TTF2: variants seen among roughly 807,000 people sequenced by gnomAD.
TTF2 encodes RNA polymerase II termination factor.
Under a neutral mutation model 142.4 loss-of-function variants are expected in TTF2, and 108 were observed. That is an observed-to-expected ratio of 0.76 (90% confidence interval 0.65 to 0.89). TTF2 has a LOEUF of 0.89. TTF2 is among the 40% of genes least tolerant of loss of function. The probability of loss-of-function intolerance (pLI) is 0.00; values close to 1 mark genes in which losing one functional copy is unlikely to be tolerated. For missense variants in TTF2, 1,327 were observed against 1,379.8 expected (o/e 0.96, Z 0.61); for synonymous variants, 483 against 506.2 (o/e 0.95, Z 0.61).
chr1:117,072,670 A>T (rs747345493), intron 3 of TTF2, among the ~76,000 whole-genome samples: 2 of 151,944 alleles, frequency 1.3e-5, no homozygotes, highest in Non-Finnish European at 2.9e-5. Flanking sequence ...TGATCCGCCC[A>T]CCTCAGCCTC....
intron 2 of TTF2, among the ~76,000 whole-genome samples, chr1:117,061,954 C>A (rs1380690166): frequency 6.6e-6 from 1 of 152,020 alleles, no homozygotes; most frequent in African/African-American, 2.4e-5. Context: ...AAAACTTACA[C>A]AAAACAAGAA....
intron 19 of TTF2, among the ~76,000 whole-genome samples, chr1:117,095,773 G>T (rs930630844): frequency 6.6e-6 from 1 of 152,142 alleles, no homozygotes; most frequent in Non-Finnish European, 1.5e-5. Context: ...GACAGCGTGG[G>T]GGCAGGGAGG....
chr1:117,069,695 G>T (rs564321111), intron 3 of TTF2, among the ~76,000 whole-genome samples: 1 of 152,340 alleles, frequency 6.6e-6, no homozygotes, highest in Non-Finnish European at 1.5e-5. Context: ...AACTAATTAG[G>T]TGGTAGGGCT....
chr1:117,091,275 C>A, intron 15 of TTF2, 53 bp from the exon 16 acceptor site: 1 of 1,470,926 alleles, frequency 6.8e-7, no homozygotes, highest in Non-Finnish European at 9.3e-7. Flanking sequence ...CACAGTTAAG[C>A]AGGTCTTAGT....
intron 3 of TTF2, among the ~76,000 whole-genome samples, chr1:117,065,710 A>AT (rs1304559627): frequency 4.6e-5 from 7 of 152,022 alleles, no homozygotes; most frequent in African/African-American, 7.3e-5. Flanking sequence ...TGTAAATGGA[A>AT]TTTTTTTTAA....
In TTF2 at chr1:117,106,346, G is replaced by A. The variant is rs544580641; in HGVS notation, c.*4822G>A. On this transcript the variant is annotated 3_prime_UTR_variant, in exon 23 of 23. Coordinates refer to ENST00000369466, the MANE Select transcript of TTF2 (RefSeq NM_003594.4). ...GGCGACAGATATGCAGCTACACAATGTTTTTACTATCTTGAGTTCTTTTTA... is the reference window on the plus strand; with the variant it reads ...GGCGACAGATATGCAGCTACACAATATTTTTACTATCTTGAGTTCTTTTTA... The A allele has an allele frequency of 6.6e-6, 1 of 151,704 alleles. No homozygotes were observed. The highest frequency in any genetic ancestry group is 1.5e-5 in the Non-Finnish European group (1 of 67,962). 9.4% of individuals were successfully genotyped at this position (151,704 alleles called of 1,614,324 possible). A position where few individuals can be genotyped will look rare whatever the true frequency, so the allele number is the denominator to read the frequency against.
chr1:117,095,318 C>G lies in TTF2; in HGVS notation c.2986C>G (p.Leu996Val), dbSNP rs546264675. The G allele has an allele frequency of 6.2e-6, 10 of 1,614,026 alleles. No individual in the cohort carries two copies. In the African/African-American group the frequency reaches 9.3e-5, roughly 15 times the overall value. ...GMRESTKISS[L>V]LAELEAIQRN... ...TGTAACCTTTTCCCAGATTTCATCT[C>G]TGTTGGCAGAATTGGAGGCAATTCA... The change falls in exon 19 of 23, where the codon CTG (leucine) becomes GTG (valine). Residue 996 changes from leucine (L) to valine (V), a missense_variant. By Grantham distance (32) the Leu-to-Val change is conservative (BLOSUM62 1). Coordinates refer to ENST00000369466, the MANE Select transcript of TTF2 (RefSeq NM_003594.4).
chr1:117,078,151 C>T, intron 8 of TTF2, 108 bp downstream of exon 8: 2 of 1,395,664 alleles, frequency 1.4e-6, no homozygotes, highest in Non-Finnish European at 1.9e-6. Context: ...CAGACAGATG[C>T]TTAAATGGCT....
chr1:117,075,037 T>C lies in TTF2; in HGVS notation c.453T>C (p.Ala151=). ...AAGGTGAAGGTGAGGAAAAGAAGGCTGATAAGAAGCAAAGAGAAAAGGGAG... is the reference window on the plus strand; with the variant it reads ...AAGGTGAAGGTGAGGAAAAGAAGGCCGATAAGAAGCAAAGAGAAAAGGGAG... ...LIKGEGEEKK[A]DKKQREKGDQ... The change falls in exon 5 of 23, where the codon GCT becomes GCC. Residue 151 remains alanine (A), a synonymous_variant. Transcript: ENST00000369466. This position sits in a 1 kb window ranked among gnomAD's most constrained non-coding sequence, Gnocchi z 4.5. 1.2e-6 allele frequency: 2 copies of C among 1,613,866 alleles called. No individual in the cohort carries two copies. Among genetic ancestry groups the C allele is most frequent in the Non-Finnish European group, 1.7e-6 (2 of 1,179,986 alleles).
At position 117,075,207 on chromosome 1, in the gene TTF2, C is replaced by T. The variant is rs1305184098; in HGVS notation, c.623C>T (p.Thr208Ile). Residue 208 changes from threonine to isoleucine, a missense_variant, in exon 5 of 23, where the codon ACT (threonine) becomes ATT (isoleucine). Thr to Ile is a moderately conservative substitution (Grantham distance 89). Transcript: ENST00000369466. The surrounding 1 kb of genome is among the most constrained non-coding windows in gnomAD (Gnocchi z 4.5). ...GCAGAGATTCAGTGTGAGGCAGAGA[C>T]TGGAGGCACACACAAAAGAGACTTT... Reference protein sequence around the residue: ...EGAEIQCEAETGGTHKRDFSE... With the variant: ...EGAEIQCEAEIGGTHKRDFSE... The T allele has an allele frequency of 1.9e-6, 3 of 1,614,192 alleles. No homozygotes were observed. The highest frequency in any genetic ancestry group is 8.5e-7 in the Non-Finnish European group (1 of 1,180,048).
Position 117,075,031 on chromosome 1 carries a change from G to C in TTF2, c.447G>C (p.Lys149Asn). The C allele has an allele frequency of 6.2e-7, 1 of 1,614,060 alleles. No homozygotes were observed. The highest frequency in any genetic ancestry group is 8.5e-7 in the Non-Finnish European group (1 of 1,180,012). ...KQLIKGEGEE[K>N]KADKKQREKG... Reference sequence around the variant, plus strand: ...TCATCAAAGGTGAAGGTGAGGAAAAGAAGGCTGATAAGAAGCAAAGAGAAA... The same window carrying C: ...TCATCAAAGGTGAAGGTGAGGAAAACAAGGCTGATAAGAAGCAAAGAGAAA... The change falls in exon 5 of 23, where the codon AAG becomes AAC. Residue 149 changes from lysine to asparagine, a missense_variant. Physicochemically the swap from Lys to Asn is moderately conservative, Grantham distance 94. Transcript: ENST00000369466. This position sits in a 1 kb window ranked among gnomAD's most constrained non-coding sequence, Gnocchi z 4.5.
At position 117,075,432 on chromosome 1, in the gene TTF2, A is replaced by T. The variant is rs368187655; in HGVS notation, c.848A>T (p.Lys283Met). The change falls in exon 5 of 23, where the codon AAG (lysine) becomes ATG (methionine). Residue 283 changes from lysine (K) to methionine (M), a missense_variant. Coordinates refer to ENST00000369466, the MANE Select transcript of TTF2 (RefSeq NM_003594.4). This position sits in a 1 kb window ranked among gnomAD's most constrained non-coding sequence, Gnocchi z 4.5. ...SKPQKGGPLN[K>M]EYTNWEAKET... Reference sequence around the variant, plus strand: ...CCCCAGAAAGGGGGACCCCTCAACAAGGAGTACACGAACTGGGAGGCTAAA... The same window carrying T: ...CCCCAGAAAGGGGGACCCCTCAACATGGAGTACACGAACTGGGAGGCTAAA... 1.4e-5 allele frequency: 23 copies of T among 1,614,046 alleles called. No homozygotes were observed. In the African/African-American group the frequency reaches 2.9e-4, roughly 21 times the overall value.
chr1:117,097,515 T>C lies in TTF2; in HGVS notation c.3269+82T>C. 8.2e-7 allele frequency: 1 copy of C among 1,222,192 alleles called. No individual in the cohort carries two copies. Among genetic ancestry groups the C allele is most frequent in the Middle Eastern group, 1.9e-4 (1 of 5,234 alleles). 75.7% of individuals were successfully genotyped at this position (1,222,192 alleles called of 1,614,324 possible). A position where few individuals can be genotyped will look rare whatever the true frequency, so the allele number is the denominator to read the frequency against. The stretch of plus-strand genomic sequence containing the variant: ...TACAGGGGCAGCAAGAACTGACTTC[T>C]TATGTTGATTGCTGTGTTCGTATTG... On this transcript the variant is annotated intron_variant, in intron 21 of 22. Coordinates refer to ENST00000369466, the MANE Select transcript of TTF2 (RefSeq NM_003594.4). This position sits in a 1 kb window ranked among gnomAD's most constrained non-coding sequence, Gnocchi z 4.1.
At position 117,076,472 on chromosome 1, in the gene TTF2, G is replaced by T. The variant is rs973862749; in HGVS notation, c.1391-169G>T. ...AAAAAACTTTCTCCTGTTTCCTGTG[G>T]ACTCTACTTTCTTCCCCATTGTTTA... On this transcript the variant is annotated intron_variant, in intron 6 of 22. Transcript: ENST00000369466. This position sits in a 1 kb window ranked among gnomAD's most constrained non-coding sequence, Gnocchi z 4.6. 11 of 939,786 alleles carry T rather than the reference G, an allele frequency of 1.2e-5. No homozygotes were observed. The African/African-American group carries it at 1.7e-4, about 14-fold the overall frequency. 58.2% of individuals were successfully genotyped at this position (939,786 alleles called of 1,614,324 possible).
At chr1:117,060,906 G>C (rs1438279242) in intron 2 of TTF2, among the ~76,000 whole-genome samples, 1 of 152,206 alleles carries the variant, frequency 6.6e-6, no homozygotes, top group Non-Finnish European at 1.5e-5. Flanking sequence ...CTTTAAAGGA[G>C]TAAGGACACA....
Position 117,076,358 on chromosome 1 carries a change from C to T in TTF2, c.1390+64C>T. 2.3e-6 allele frequency: 3 copies of T among 1,313,640 alleles called. No homozygotes were observed. The highest frequency in any genetic ancestry group is 2.1e-6 in the Non-Finnish European group (2 of 938,542). The allele number at this position is 1,313,640 out of a possible 1,614,324, so 81.4% of individuals were successfully genotyped here. A position where few individuals can be genotyped will look rare whatever the true frequency, so the allele number is the denominator to read the frequency against. ...GACTTTACAAGAGACATTCGGGAAG[C>T]CCTTTTAATAAAGAATGTGTTGATT... is the stretch of plus-strand genomic sequence containing the variant. On this transcript the variant is annotated intron_variant, in intron 6 of 22. Coordinates refer to ENST00000369466, the MANE Select transcript of TTF2 (RefSeq NM_003594.4). The surrounding 1 kb of genome is among the most constrained non-coding windows in gnomAD (Gnocchi z 4.6).
chr1:117,096,444 C>G lies in TTF2; in HGVS notation c.3186+145C>G, dbSNP rs1649160261. On this transcript the variant is annotated intron_variant, in intron 20 of 22. Coordinates refer to ENST00000369466, the MANE Select transcript of TTF2 (RefSeq NM_003594.4). ...CCAGGCTGGACTGCAATAGTGCTAT[C>G]TTGGCTCACCGCAACCTCCGCCTCC... 15 of 1,025,286 alleles carry G rather than the reference C, an allele frequency of 1.5e-5. No individual in the cohort carries two copies. In the South Asian group the frequency reaches 2.5e-4, roughly 17 times the overall value. The allele number at this position is 1,025,286 out of a possible 1,614,324, so 63.5% of individuals were successfully genotyped here.
At chr1:117,089,807 G>A (rs1648403980) in intron 13 of TTF2, among the ~76,000 whole-genome samples, 1 of 152,152 alleles carries the variant, frequency 6.6e-6, no homozygotes, top group South Asian at 2.1e-4. Flanking sequence ...TTGGTTATAT[G>A]TCTTGTTGTG....
Position 117,097,312 on chromosome 1 carries a change from C to G in TTF2, c.3187-39C>G. The G allele has an allele frequency of 6.3e-7, 1 of 1,589,020 alleles. No homozygotes were observed. The highest frequency in any genetic ancestry group is 1.3e-5 in the African/African-American group (1 of 74,494). On this transcript the variant is annotated intron_variant, in intron 20 of 22. Transcript: ENST00000369466. This position sits in a 1 kb window ranked among gnomAD's most constrained non-coding sequence, Gnocchi z 4.1. ...CTGAGACCGAGATGTGTTACGAGAC[C>G]AAGTCTGTTTAAAGTTAATGTTGTG...
Sources: allele counts gnomAD v4.1 joint callset (sites outside exome capture counted in the v4.1 genomes callset), GRCh38; gene constraint gnomAD v4.1.1; non-coding constraint Gnocchi (gnomAD v3.1); transcripts MANE v1.5; gene names NCBI Gene and HGNC (gene_info 2026-07-23, HGNC 2026-07-21).